ETV6: variants seen among roughly 807,000 people sequenced by gnomAD.
The protein encoded by ETV6 is ETS variant transcription factor 6, also known as transcription factor ETV6.
In ETV6, 16 loss-of-function variants were observed where a neutral mutation model predicts 51.1. That is an observed-to-expected ratio of 0.31 (90% CI 0.21 to 0.48). The LOEUF (loss-of-function observed/expected upper bound fraction) is 0.48, where lower values mean the gene tolerates loss of function less well. ETV6 is among the 20% of genes least tolerant of loss of function. ETV6 has a pLI of 0.99. For missense variants in ETV6, 458 were observed against 594.8 expected (o/e 0.77, Z 2.39); for synonymous variants, 240 against 224.1 (o/e 1.07, Z -0.64).
chr12:11,884,120 T>C lies in ETV6; in HGVS notation c.1010-325T>C, dbSNP rs1947149445. 2.6e-5 allele frequency among the ~76,000 whole-genome samples: 4 copies of C among 152,222 alleles called. No individual in the cohort carries two copies. In the South Asian group the frequency reaches 8.3e-4, roughly 32 times the overall value. On this transcript the variant is annotated intron_variant, in intron 5 of 7. Transcript: ENST00000396373. The stretch of plus-strand genomic sequence containing the variant: ...CAGAGCCCATTGATTCAGTTAGAAC[T>C]TGCCTCCCGTCTTTCACATGGGTTC...
chr12:11,715,614 C>T (rs1865259442), intron 1 of ETV6, among the ~76,000 whole-genome samples: 1 of 152,250 alleles, frequency 6.6e-6, no homozygotes, highest in Non-Finnish European at 1.5e-5. Context: ...TGCTGCTTTC[C>T]TAATCAGTAC....
chr12:11,887,641 G>A (rs182698995), intron 7 of ETV6, among the ~76,000 whole-genome samples: 84 of 151,852 alleles, frequency 5.5e-4, no homozygotes, highest in Non-Finnish European at 6.9e-4. Flanking sequence ...CCAGCTACTC[G>A]GGAGGCTGAG....
At chr12:11,873,316 A>AC (rs997557822) in intron 5 of ETV6, among the ~76,000 whole-genome samples, 3 of 152,040 alleles carry the variant, frequency 2.0e-5, no homozygotes, top group African/African-American at 7.2e-5. Context: ...CTTTGAGGAT[A>AC]CCCCTGTGTG....
chr12:11,718,351 G>T (rs2120916258), intron 1 of ETV6, among the ~76,000 whole-genome samples: 1 of 152,292 alleles, frequency 6.6e-6, no homozygotes, highest in South Asian at 2.1e-4. Flanking sequence ...GTGACTGAAT[G>T]GAGTTAGTGT....
At chr12:11,708,258 A>G (rs553195847) in intron 1 of ETV6, among the ~76,000 whole-genome samples, 7 of 136,158 alleles carry the variant, frequency 5.1e-5, no homozygotes, top group African/African-American at 1.7e-4. Context: ...AGTCTCAGTG[A>G]AAAAAAAAAA....
chr12:11,796,356 A>G (rs1192257447), intron 2 of ETV6, among the ~76,000 whole-genome samples: 1 of 152,152 alleles, frequency 6.6e-6, no homozygotes, highest in Non-Finnish European at 1.5e-5. Flanking sequence ...CCATATTCAT[A>G]CTCACCCTGT....
intron 1 of ETV6, among the ~76,000 whole-genome samples, chr12:11,744,031 C>T (rs1255769763): frequency 6.6e-6 from 1 of 152,174 alleles, no homozygotes; most frequent in Admixed American, 6.5e-5. Flanking sequence ...TTCATCCTTT[C>T]CTTCTGCCCA....
At chr12:11,698,590 G>A (rs1335709819) in intron 1 of ETV6, among the ~76,000 whole-genome samples, 2 of 57,212 alleles carry the variant, frequency 3.5e-5, no homozygotes, top group African/African-American at 1.5e-4. Context: ...CAACATGGCA[G>A]CCTGCTCCTT....
intron 1 of ETV6, among the ~76,000 whole-genome samples, chr12:11,715,055 C>G (rs544496609): frequency 7.6e-4 from 116 of 152,088 alleles, no homozygotes; most frequent in African/African-American, 2.7e-3. Flanking sequence ...ATGTGGAGAT[C>G]GTTTTGAGAT....
chr12:11,694,178 C>T (rs974044732), intron 1 of ETV6, among the ~76,000 whole-genome samples: 5 of 152,162 alleles, frequency 3.3e-5, no homozygotes, highest in African/African-American at 1.2e-4. Flanking sequence ...CTTGTAGCTA[C>T]CTAGCACAGT....
At chr12:11,889,383 A>T (rs1029809832) in intron 7 of ETV6, among the ~76,000 whole-genome samples, 2 of 152,230 alleles carry the variant, frequency 1.3e-5, no homozygotes, top group African/African-American at 2.4e-5. Flanking sequence ...TGAGGAAATG[A>T]ATGTTAGAAG....
chr12:11,661,361 G>T (rs1323773640), intron 1 of ETV6, among the ~76,000 whole-genome samples: 1 of 152,190 alleles, frequency 6.6e-6, no homozygotes, highest in Non-Finnish European at 1.5e-5. Context: ...CACTTGACTG[G>T]TGCTTTGCAC....
chr12:11,817,617 C>T (rs1946011956), intron 2 of ETV6, among the ~76,000 whole-genome samples: 1 of 152,168 alleles, frequency 6.6e-6, no homozygotes, highest in African/African-American at 2.4e-5. Flanking sequence ...AGGGTACGTT[C>T]CATTTTAATG....
At chr12:11,779,602 A>G (rs755218496) in intron 2 of ETV6, among the ~76,000 whole-genome samples, 1 of 152,276 alleles carries the variant, frequency 6.6e-6, no homozygotes, top group East Asian at 1.9e-4. Context: ...GCTGCCTGCT[A>G]TTTTTCTCTT....
At chr12:11,807,790 G>A (rs1945850744) in intron 2 of ETV6, among the ~76,000 whole-genome samples, 1 of 152,160 alleles carries the variant, frequency 6.6e-6, no homozygotes, top group Non-Finnish European at 1.5e-5. Flanking sequence ...ATGTTTGATT[G>A]GACTGACAAA....
chr12:11,712,206 G>A (rs1865187754), intron 1 of ETV6, among the ~76,000 whole-genome samples: 1 of 152,192 alleles, frequency 6.6e-6, no homozygotes, highest in Non-Finnish European at 1.5e-5. Flanking sequence ...ACAAAGTGAA[G>A]TACATTCCTT....
Position 11,893,042 on chromosome 12 carries a change from A to G in ETV6, c.*1996A>G, listed in dbSNP as rs151008926. 36 of 232,788 alleles carry G rather than the reference A, an allele frequency of 1.5e-4. No individual in the cohort carries two copies. In the East Asian group the frequency reaches 2.2e-3, roughly 14 times the overall value. The allele number at this position is 232,788 out of a possible 1,614,324, so 14.4% of individuals were successfully genotyped here. A position where few individuals can be genotyped will look rare whatever the true frequency, so the allele number is the denominator to read the frequency against. ...CTTCTATATGAGGCGAGTGGGTCTC[A>G]GTCTGCTTGAATGGTGATGAGATTC... On this transcript the variant is annotated 3_prime_UTR_variant, in exon 8 of 8. Transcript: ENST00000396373.
At position 11,694,341 on chromosome 12, in the gene ETV6, A is replaced by C. The variant is rs150985032; in HGVS notation, c.33+44181A>C. On this transcript the variant is annotated intron_variant, in intron 1 of 7. Transcript: ENST00000396373. The stretch of plus-strand genomic sequence containing the variant: ...TAATTTAGTATAAGGGCTATGTAAG[A>C]TGTAATGCACATGACATGTTTTATA... Among the ~76,000 whole-genome samples, 1,118 of 152,314 alleles carry C rather than the reference A, an allele frequency of 7.3e-3. 8 individuals are homozygous for C. The highest frequency in any genetic ancestry group is 0.012 in the Non-Finnish European group (845 of 68,024).
intron 1 of ETV6, 95 bp from the exon 2 acceptor site, chr12:11,752,355 C>T: frequency 5.8e-6 from 8 of 1,382,674 alleles, no homozygotes; most frequent in Admixed American, 3.7e-5. Flanking sequence ...GCCCCGCCTC[C>T]CTTTTGCTCC....
Sources: allele counts gnomAD v4.1 joint callset (sites outside exome capture counted in the v4.1 genomes callset), GRCh38; gene constraint gnomAD v4.1.1; transcripts MANE v1.5; gene names NCBI Gene and HGNC (gene_info 2026-07-23, HGNC 2026-07-21).